Variants in ARPP21 observed in about 807,000 individuals in gnomAD.
ARPP21 encodes cAMP-regulated phosphoprotein 21.
Under a neutral mutation model 113.2 loss-of-function variants are expected in ARPP21, and 69 were observed. The ratio of observed to expected loss-of-function variants is 0.61; its 90% CI spans 0.50 to 0.74. The LOEUF (loss-of-function observed/expected upper bound fraction) is 0.74, where lower values mean the gene tolerates loss of function less well. ARPP21 is among the 30% of genes least tolerant of loss of function. The pLI, the probability that ARPP21 is intolerant of heterozygous loss-of-function variation, is 0.00. For synonymous variants in ARPP21, 368 were observed against 375.5 expected (o/e 0.98, Z 0.23); for missense variants, 1,070 against 1,037.4 (o/e 1.03, Z -0.43).
intron 15 of ARPP21, among the ~76,000 whole-genome samples, chr3:35,735,785 T>C (rs2094313043): frequency 6.6e-6 from 1 of 152,202 alleles, no homozygotes; most frequent in African/African-American, 2.4e-5. Flanking sequence ...CCTTTTCCAA[T>C]AGGGTTACAG....
At chr3:35,731,697 T>C (rs1345509674) in intron 15 of ARPP21, among the ~76,000 whole-genome samples, 1 of 152,136 alleles carries the variant, frequency 6.6e-6, no homozygotes, top group Non-Finnish European at 1.5e-5. Flanking sequence ...AAATTTCTTA[T>C]ATGACTTTTA....
chr3:35,689,604 C>T lies in ARPP21; in HGVS notation c.485+219C>T, dbSNP rs566287535. Among the ~76,000 whole-genome samples the T allele has an allele frequency of 2.0e-5, 3 of 151,616 alleles. No individual in the cohort carries two copies. In the South Asian group the frequency reaches 6.2e-4, roughly 31 times the overall value. On this transcript the variant is annotated intron_variant, in intron 7 of 20. Transcript: ENST00000684406. ...GTAGTTACCCAATTAATAAATTATACTTTAACAGTTCTGCTTTTCAGATCA... is the reference window on the plus strand; with the variant it reads ...GTAGTTACCCAATTAATAAATTATATTTTAACAGTTCTGCTTTTCAGATCA...
At chr3:35,665,683 A>T (rs991667861) in intron 1 of ARPP21, among the ~76,000 whole-genome samples, 1 of 152,168 alleles carries the variant, frequency 6.6e-6, no homozygotes, top group African/African-American at 2.4e-5. Context: ...GCATTTGTTC[A>T]TGAAACCATC....
At chr3:35,786,912 A>T (rs1046154759) in intron 19 of ARPP21, among the ~76,000 whole-genome samples, 14 of 152,296 alleles carry the variant, frequency 9.2e-5, no homozygotes, top group Middle Eastern at 3.4e-3. Context: ...TCACCAAACC[A>T]TAGTGATACT....
chr3:35,687,972 T>A, intron 6 of ARPP21, 89 bp downstream of exon 6: 2 of 1,236,574 alleles, frequency 1.6e-6, no homozygotes, highest in Admixed American at 4.8e-5. Flanking sequence ...CATATTCACC[T>A]CCCACCAAAC....
At chr3:35,755,597 G>T (rs537413639) in intron 19 of ARPP21, among the ~76,000 whole-genome samples, 6 of 152,084 alleles carry the variant, frequency 3.9e-5, no homozygotes, top group East Asian at 1.9e-4. Flanking sequence ...TAATGAAGAA[G>T]AATTTCTGGG....
rs547498542 is a variant in ARPP21, at chr3:35,727,522, T to C, written c.1226-1781T>C. On this transcript the variant is annotated intron_variant, in intron 14 of 20. Coordinates refer to ENST00000684406, the MANE Select transcript of ARPP21 (RefSeq NM_001385562.1). ...TCTGCACTTACATGTTATGTTCCTA[T>C]CACTTATTTTAAAAGAACTCCAGTT... Among the ~76,000 whole-genome samples, 10 of 152,326 alleles carry C rather than the reference T, an allele frequency of 6.6e-5. No individual in the cohort carries two copies. The East Asian group carries it at 1.5e-3, about 23-fold the overall frequency.
chr3:35,736,081 G>T (rs2094331725), intron 15 of ARPP21, among the ~76,000 whole-genome samples: 1 of 152,170 alleles, frequency 6.6e-6, no homozygotes, highest in South Asian at 2.1e-4. Flanking sequence ...AGACTTTGAA[G>T]TCTTACTGAC....
chr3:35,682,460 A>G, intron 3 of ARPP21: 1 of 176,246 alleles, frequency 5.7e-6, no homozygotes, highest in Non-Finnish European at 1.2e-5. Context: ...GTAGAAGGAA[A>G]GCAAACTGCA....
intron 11 of ARPP21, among the ~76,000 whole-genome samples, chr3:35,713,431 T>A (rs1024406512): frequency 6.6e-6 from 1 of 152,130 alleles, no homozygotes; most frequent in African/African-American, 2.4e-5. Flanking sequence ...ACAAAGTCCC[T>A]GTCACCTAGG....
intron 19 of ARPP21, among the ~76,000 whole-genome samples, chr3:35,747,477 T>G (rs1028486516): frequency 2.0e-5 from 3 of 152,072 alleles, no homozygotes; most frequent in Non-Finnish European, 4.4e-5. Context: ...TAAAAAACCT[T>G]CAATTTACAA....
At chr3:35,679,711 C>T (rs930674220) in intron 1 of ARPP21, 76 bp from the exon 2 acceptor site, 5 of 151,814 alleles carry the variant, frequency 3.3e-5, no homozygotes, top group Admixed American at 3.3e-4. Flanking sequence ...TGTTAGAAAC[C>T]CCGTCTTATT....
intron 19 of ARPP21, among the ~76,000 whole-genome samples, chr3:35,744,813 A>G (rs1576537281): frequency 6.6e-6 from 1 of 152,226 alleles, no homozygotes; most frequent in East Asian, 1.9e-4. Context: ...TATGTTATGC[A>G]TATGGAATGT....
chr3:35,768,695 G>T (rs766392362), intron 19 of ARPP21, among the ~76,000 whole-genome samples: 4 of 152,072 alleles, frequency 2.6e-5, no homozygotes, highest in Non-Finnish European at 5.9e-5. Context: ...GCTTAATTAA[G>T]CATGACTCAC....
At chr3:35,665,360 C>T (rs1165530477) in intron 1 of ARPP21, among the ~76,000 whole-genome samples, 2 of 151,684 alleles carry the variant, frequency 1.3e-5, no homozygotes, top group Non-Finnish European at 2.9e-5. Context: ...GATCATAAAA[C>T]TCTCATGAAA....
chr3:35,672,268 A>G (rs1276819666), intron 1 of ARPP21, among the ~76,000 whole-genome samples: 1 of 149,178 alleles, frequency 6.7e-6, no homozygotes, highest in Non-Finnish European at 1.5e-5. Context: ...AATATTCTGG[A>G]CAGTAGGAGA....
intron 3 of ARPP21, 150 bp from the exon 4 acceptor site, chr3:35,682,698 G>C (rs1308793947): frequency 3.4e-6 from 2 of 595,910 alleles, no homozygotes; most frequent in Admixed American, 7.4e-5. Flanking sequence ...TAATGGTTGT[G>C]ATGTTCTGTT....
rs777730528 is a variant in ARPP21, at chr3:35,793,868, C to A, written c.2454C>A (p.His818Gln). 5.0e-6 allele frequency: 8 copies of A among 1,614,066 alleles called. No individual in the cohort carries two copies. The South Asian group carries it at 8.8e-5, about 18-fold the overall frequency. The change falls in exon 21 of 21, where the codon CAC (histidine) becomes CAA (glutamine). Residue 818 changes from histidine (H) to glutamine (Q), a missense_variant. Coordinates refer to ENST00000684406, the MANE Select transcript of ARPP21 (RefSeq NM_001385562.1). ...ACAACCTTAGGCTGATTGGCCCACA[C>A]TGCCCCTCCAGCACTGTCCCAGTGA... Reference protein sequence around the residue: ...PQNNLRLIGPHCPSSTVPVMS... With the variant: ...PQNNLRLIGPQCPSSTVPVMS...
At chr3:35,667,957 G>C (rs1559548915) in intron 1 of ARPP21, among the ~76,000 whole-genome samples, 1 of 33,692 alleles carries the variant, frequency 3.0e-5, no homozygotes, top group African/African-American at 1.1e-4. Context: ...AAAAGAAGAA[G>C]AAGAAGAAGA....
Sources: gnomAD v4.1 joint callset for allele counts (sites outside exome capture counted in the v4.1 genomes callset) on GRCh38, gnomAD v4.1.1 for gene constraint, MANE v1.5 for transcripts, NCBI Gene and HGNC (gene_info 2026-07-23, HGNC 2026-07-21) for gene names.